The following TTLL7 variants were observed in gnomAD, a reference collection of about 807,000 sequenced individuals.
The protein encoded by TTLL7 is tubulin tyrosine ligase like 7, also known as tubulin polyglutamylase TTLL7.
Under a neutral mutation model 120.2 loss-of-function variants are expected in TTLL7, and 53 were observed. That is an observed-to-expected ratio of 0.44 (90% CI 0.35 to 0.55). TTLL7 has a LOEUF of 0.55. Ranked by LOEUF, TTLL7 falls within the 20% of genes least tolerant of loss-of-function variation. The pLI, the probability that TTLL7 is intolerant of heterozygous loss-of-function variation, is 0.00. For missense variants in TTLL7, 803 were observed against 1,054.7 expected (o/e 0.76, Z 3.31); for synonymous variants, 353 against 351.7 (o/e 1.00, Z -0.04).
chr1:83,961,684 C>T (rs1032458681), intron 1 of TTLL7, among the ~76,000 whole-genome samples: 4 of 152,086 alleles, frequency 2.6e-5, no homozygotes, highest in Admixed American at 6.6e-5. Flanking sequence ...TATTTCATAA[C>T]ATATTCATCA....
chr1:83,877,849 A>AT (rs1018708291), intron 20 of TTLL7, among the ~76,000 whole-genome samples: 4 of 150,128 alleles, frequency 2.7e-5, no homozygotes, highest in Admixed American at 6.6e-5. Context: ...TATTTTTATT[A>AT]TTTTTTTCTG....
intron 14 of TTLL7, among the ~76,000 whole-genome samples, chr1:83,915,460 C>T (rs865984577): frequency 3.9e-5 from 6 of 152,082 alleles, no homozygotes; most frequent in African/African-American, 4.8e-5. Context: ...TGAAACTGGA[C>T]CCCTTCCTTA....
intron 7 of TTLL7, among the ~76,000 whole-genome samples, chr1:83,939,942 A>G (rs1647784425): frequency 6.6e-6 from 1 of 152,154 alleles, no homozygotes; most frequent in Admixed American, 6.5e-5. Context: ...CCTTTTACAT[A>G]ACCGTGGTCT....
intron 14 of TTLL7, among the ~76,000 whole-genome samples, chr1:83,915,307 G>A (rs1658047099): frequency 6.6e-6 from 1 of 152,112 alleles, no homozygotes; most frequent in South Asian, 2.1e-4. Flanking sequence ...TAGACCAATG[G>A]AACAGAACAG....
rs386367505 is a variant in TTLL7, at chr1:83,867,540, G to GTA, written c.*2421_*2422insTA. ...TACTCAGTTTTTAAATTGTGTGTGT[G>GTA]TGTGTGTGTGTGTTTTCTGTGAGGA... On this transcript the variant is annotated 3_prime_UTR_variant, in exon 21 of 21. Transcript: ENST00000260505. The GTA allele has an allele frequency of 6.6e-6, 1 of 151,848 alleles. No homozygotes were observed. Among genetic ancestry groups the GTA allele is most frequent in the Non-Finnish European group, 1.5e-5 (1 of 67,868 alleles). 9.4% of individuals were successfully genotyped at this position (151,848 alleles called of 1,614,324 possible). A position where few individuals can be genotyped will look rare whatever the true frequency, so the allele number is the denominator to read the frequency against.
At chr1:83,888,785 T>C (rs1034727729) in intron 19 of TTLL7, among the ~76,000 whole-genome samples, 1 of 151,870 alleles carries the variant, frequency 6.6e-6, no homozygotes. Context: ...GAAAACAGCA[T>C]ATTAGATAGC....
chr1:83,883,404 T>C (rs919821815), intron 19 of TTLL7, among the ~76,000 whole-genome samples: 2 of 151,936 alleles, frequency 1.3e-5, no homozygotes, highest in Admixed American at 6.6e-5. Context: ...AGAGAGAGTG[T>C]GTCTCACTAT....
intron 15 of TTLL7, among the ~76,000 whole-genome samples, chr1:83,908,327 G>GA (rs67307279): frequency 0.43 from 65,625 of 151,192 alleles, 15,575 homozygotes; most frequent in Non-Finnish European, 0.54. Context: ...GAAGCCATGA[G>GA]AAAAAAAACA....
At chr1:83,890,600 T>C in intron 18 of TTLL7, 119 bp from the exon 19 acceptor site, 2 of 675,878 alleles carry the variant, frequency 3.0e-6, no homozygotes, top group Non-Finnish European at 4.7e-6. Context: ...AGAACCTGTC[T>C]CTACAAAACT....
chr1:83,913,762 G>A (rs1657867523), intron 14 of TTLL7, among the ~76,000 whole-genome samples: 1 of 152,162 alleles, frequency 6.6e-6, no homozygotes, highest in African/African-American at 2.4e-5. Context: ...TAGAATGAAA[G>A]GGACTGAACA....
chr1:83,991,272 A>C (rs1423155599), intron 1 of TTLL7, among the ~76,000 whole-genome samples: 4 of 152,152 alleles, frequency 2.6e-5, no homozygotes, highest in African/African-American at 9.7e-5. Flanking sequence ...AAATGTTCTG[A>C]AGGTCGTTTC....
intron 20 of TTLL7, among the ~76,000 whole-genome samples, chr1:83,873,152 T>A (rs1040984838): frequency 1.3e-5 from 2 of 152,170 alleles, no homozygotes; most frequent in African/African-American, 2.4e-5. Flanking sequence ...ACCTAAACTT[T>A]TTCATAGAAG....
chr1:83,924,071 A>C (rs1413864088), intron 10 of TTLL7, among the ~76,000 whole-genome samples: 1 of 152,040 alleles, frequency 6.6e-6, no homozygotes, highest in Non-Finnish European at 1.5e-5. Flanking sequence ...TTCCAACCCA[A>C]ATTTTATTTA....
At chr1:83,923,884 T>C (rs1022603471) in intron 10 of TTLL7, among the ~76,000 whole-genome samples, 3 of 152,162 alleles carry the variant, frequency 2.0e-5, no homozygotes, top group Non-Finnish European at 4.4e-5. Flanking sequence ...CTTGAGTCTT[T>C]TCCACTACTT....
At chr1:83,934,041 C>T (rs1647198664) in intron 8 of TTLL7, among the ~76,000 whole-genome samples, 1 of 152,148 alleles carries the variant, frequency 6.6e-6, no homozygotes, top group Non-Finnish European at 1.5e-5. Flanking sequence ...CCCCTATATT[C>T]CCAAGTCTGG....
intron 1 of TTLL7, among the ~76,000 whole-genome samples, chr1:83,986,067 C>T (rs1652410203): frequency 6.6e-6 from 1 of 152,102 alleles, no homozygotes; most frequent in Admixed American, 6.5e-5. Flanking sequence ...TTTATGAGAT[C>T]AATAGTACTC....
chr1:83,872,090 A>G (rs2100691997), intron 20 of TTLL7, among the ~76,000 whole-genome samples: 1 of 152,290 alleles, frequency 6.6e-6, no homozygotes, highest in African/African-American at 2.4e-5. Flanking sequence ...AAAGAAATGC[A>G]TTATAATCAA....
At chr1:83,875,094 A>G (rs1007592074) in intron 20 of TTLL7, among the ~76,000 whole-genome samples, 7 of 151,952 alleles carry the variant, frequency 4.6e-5, no homozygotes, top group Non-Finnish European at 8.8e-5. Flanking sequence ...AAGTTGTGTC[A>G]TTATCACCCA....
chr1:83,983,499 A>G (rs1486071267), intron 1 of TTLL7, among the ~76,000 whole-genome samples: 1 of 152,210 alleles, frequency 6.6e-6, no homozygotes, highest in East Asian at 1.9e-4. Flanking sequence ...TAACCCCTCA[A>G]ACTATAAAAA....
Sources: allele counts gnomAD v4.1 joint callset (sites outside exome capture counted in the v4.1 genomes callset), GRCh38; gene constraint gnomAD v4.1.1; transcripts MANE v1.5; gene names NCBI Gene and HGNC (gene_info 2026-07-23, HGNC 2026-07-21).